The following ANKRD17 variants were observed in gnomAD, a reference collection of about 807,000 sequenced individuals.
ANKRD17 encodes the protein ankyrin repeat domain-containing protein 17.
ANKRD17 carries 19 observed loss-of-function variants against 229.7 expected under a neutral mutation model. The ratio of observed to expected loss-of-function variants is 0.08; its 90% CI spans 0.06 to 0.12. ANKRD17 has a LOEUF of 0.12. Ranked by LOEUF, ANKRD17 falls within the 10% of genes least tolerant of loss-of-function variation. The probability of loss-of-function intolerance (pLI) is 1.00; values close to 1 mark genes in which losing one functional copy is unlikely to be tolerated. For synonymous variants in ANKRD17, 1,112 were observed against 1,146.1 expected (o/e 0.97, Z 0.60); for missense variants, 2,176 against 3,176.8 (o/e 0.68, Z 7.57).
Position 73,142,394 on chromosome 4 carries a change from G to A in ANKRD17, c.2086-9C>T, listed in dbSNP as rs1729722419. 6.3e-7 allele frequency: 1 copy of A among 1,585,938 alleles called. No individual in the cohort carries two copies. Among genetic ancestry groups the A allele is most frequent in the African/African-American group, 1.4e-5 (1 of 72,802 alleles). ...AACATAGTTGAGCCATCCTAAAAGAGTGAATATGGAAGGGGAAAAAAAGTG... is the reference window on the plus strand; with the variant it reads ...AACATAGTTGAGCCATCCTAAAAGAATGAATATGGAAGGGGAAAAAAAGTG... On this transcript the variant is annotated splice_polypyrimidine_tract_variant and intron_variant, in intron 12 of 33. Coordinates refer to ENST00000358602, the MANE Select transcript of ANKRD17 (RefSeq NM_032217.5).
intron 1 of ANKRD17, chr4:73,222,827 C>T: frequency 1.6e-6 from 1 of 632,210 alleles, no homozygotes; most frequent in Non-Finnish European, 2.7e-6. Context: ...AACATTCTCA[C>T]ACGGAATAGG....
intron 1 of ANKRD17, among the ~76,000 whole-genome samples, chr4:73,232,609 T>A (rs1743150752): frequency 6.6e-6 from 1 of 152,210 alleles, no homozygotes; most frequent in African/African-American, 2.4e-5. Context: ...TTAATCCCTG[T>A]GTCTTCTATT....
chr4:73,151,810 T>C (rs1043572198), intron 6 of ANKRD17, among the ~76,000 whole-genome samples: 1 of 152,122 alleles, frequency 6.6e-6, no homozygotes, highest in Non-Finnish European at 1.5e-5. Flanking sequence ...CTCTACAACC[T>C]TTTAAGAGCC....
chr4:73,171,178 G>GAGAGAGAGAGAGA (rs1553928536), intron 2 of ANKRD17, among the ~76,000 whole-genome samples: 1 of 104,446 alleles, frequency 9.6e-6, no homozygotes, highest in Non-Finnish European at 1.8e-5. Context: ...CTCAGAGGGG[G>GAGAGAGAGAGAGA]GAGAGAGAGA....
intron 16 of ANKRD17, among the ~76,000 whole-genome samples, chr4:73,131,716 G>A (rs573713456): frequency 6.6e-6 from 1 of 152,282 alleles, no homozygotes; most frequent in South Asian, 2.1e-4. Flanking sequence ...GTTGGGCAAG[G>A]TAGTTAATAT....
At chr4:73,212,971 G>A (rs1156939378) in intron 1 of ANKRD17, among the ~76,000 whole-genome samples, 1 of 148,952 alleles carries the variant, frequency 6.7e-6, no homozygotes, top group Non-Finnish European at 1.5e-5. Flanking sequence ...AGGTTGCAGT[G>A]AGCCAAGATC....
At chr4:73,079,972 G>GT (rs1721392295) in intron 30 of ANKRD17, among the ~76,000 whole-genome samples, 1 of 152,066 alleles carries the variant, frequency 6.6e-6, no homozygotes, top group Non-Finnish European at 1.5e-5. Context: ...CGGGCGTGGT[G>GT]GCACGCGCCT....
intron 20 of ANKRD17, 30 bp from the exon 21 acceptor site, chr4:73,120,367 A>T: frequency 6.2e-7 from 1 of 1,601,954 alleles, no homozygotes; most frequent in South Asian, 1.1e-5. Flanking sequence ...AAAAGTAATG[A>T]CACGTAAGAG....
intron 1 of ANKRD17, among the ~76,000 whole-genome samples, chr4:73,252,466 T>C (rs1423964220): frequency 1.3e-5 from 2 of 152,032 alleles, no homozygotes; most frequent in East Asian, 1.9e-4. Flanking sequence ...ACTAAATCTG[T>C]AGTGAGAATG....
chr4:73,113,359 C>T, intron 24 of ANKRD17: 2 of 1,289,616 alleles, frequency 1.6e-6, no homozygotes, highest in Non-Finnish European at 2.0e-6. Context: ...AAAGTGTACT[C>T]ATTTGACATT....
At chr4:73,221,727 G>A (rs542790359) in intron 1 of ANKRD17, among the ~76,000 whole-genome samples, 5 of 152,196 alleles carry the variant, frequency 3.3e-5, no homozygotes, top group African/African-American at 9.6e-5. Context: ...AAAAATAAAA[G>A]AGAAAAGAAT....
At chr4:73,222,569 C>T (rs987486423) in intron 1 of ANKRD17, among the ~76,000 whole-genome samples, 2 of 152,132 alleles carry the variant, frequency 1.3e-5, no homozygotes, top group African/African-American at 2.4e-5. Flanking sequence ...TAATAGTTAA[C>T]TGCAGCAAAG....
intron 1 of ANKRD17, among the ~76,000 whole-genome samples, chr4:73,246,751 A>G (rs554376345): frequency 6.6e-6 from 1 of 152,284 alleles, no homozygotes; most frequent in South Asian, 2.1e-4. Context: ...TGAGGTACAA[A>G]CAGGAGAAGG....
intron 1 of ANKRD17, among the ~76,000 whole-genome samples, chr4:73,243,203 T>C (rs187438981): frequency 1.6e-3 from 247 of 152,296 alleles, no homozygotes; most frequent in Non-Finnish European, 2.5e-3. Context: ...CATACAAAGT[T>C]CTGTGGGGCA....
At chr4:73,084,417 A>C (rs1721898471) in intron 30 of ANKRD17, among the ~76,000 whole-genome samples, 1 of 151,898 alleles carries the variant, frequency 6.6e-6, no homozygotes, top group Non-Finnish European at 1.5e-5. Context: ...ACATGTGATA[A>C]TGTGAAATCT....
chr4:73,177,326 T>C, intron 2 of ANKRD17, 54 bp downstream of exon 2: 1 of 1,399,958 alleles, frequency 7.1e-7, no homozygotes, highest in Non-Finnish European at 9.4e-7. Flanking sequence ...TTTTATTAGA[T>C]TGATGTGCAA....
intron 24 of ANKRD17, among the ~76,000 whole-genome samples, chr4:73,112,385 TTAAA>T (rs1343773282): frequency 1.1e-4 from 16 of 152,192 alleles, no homozygotes; most frequent in Non-Finnish European, 4.4e-5. Flanking sequence ...TTAGCAGGCA[TTAAA>T]TAAATGTTAG....
At chr4:73,250,589 CAAAAAA>C (rs35160047) in intron 1 of ANKRD17, among the ~76,000 whole-genome samples, 404 of 29,400 alleles carry the variant, frequency 0.014, 3 homozygotes, top group Admixed American at 0.02. Context: ...GACCTTGTCT[CAAAAAA>C]AAAAAAAAAA....
intron 1 of ANKRD17, among the ~76,000 whole-genome samples, chr4:73,223,577 A>C (rs1018757569): frequency 1.2e-4 from 19 of 152,220 alleles, no homozygotes; most frequent in African/African-American, 4.3e-4. Flanking sequence ...TAGATTTTTT[A>C]ATAGTAAATT....
Sources: gnomAD v4.1 joint callset for allele counts (sites outside exome capture counted in the v4.1 genomes callset) on GRCh38, gnomAD v4.1.1 for gene constraint, MANE v1.5 for transcripts, NCBI Gene and HGNC (gene_info 2026-07-23, HGNC 2026-07-21) for gene names.